HIBADH: variants seen among roughly 807,000 people sequenced by gnomAD.
The protein encoded by HIBADH is 3-hydroxyisobutyrate dehydrogenase.
A neutral mutation model predicts 36.1 loss-of-function variants in HIBADH; 25 were observed. The observed-to-expected ratio is 0.69, with a 90% CI of 0.50 to 0.97. The LOEUF (loss-of-function observed/expected upper bound fraction) is 0.97, where lower values mean the gene tolerates loss of function less well. Ranked by LOEUF, HIBADH falls within the 50% of genes least tolerant of loss-of-function variation. The pLI is 0.00. For missense variants in HIBADH, 421 were observed against 418.0 expected, an observed-to-expected ratio of 1.01 and a Z score of -0.06; for synonymous variants, 160 against 149.5, an observed-to-expected ratio of 1.07 and a Z score of -0.51.
At position 27,599,614 on chromosome 7, in the gene HIBADH, G is replaced by A. The variant is rs1170774087; in HGVS notation, c.484+29757C>T. On this transcript the variant is annotated intron_variant, in intron 4 of 7. Transcript: ENST00000265395. The stretch of plus-strand genomic sequence containing the variant: ...GGAGAATGGCGTGAACCCGGGAGGC[G>A]GAGCTTGCAGTGAGCCCAGATGGCG... 5.5e-5 allele frequency among the ~76,000 whole-genome samples: 8 copies of A among 144,294 alleles called. No individual in the cohort carries two copies. The East Asian group carries it at 6.6e-4, about 12-fold the overall frequency. 94.7% of individuals were successfully genotyped at this position (144,294 alleles called of 152,430 possible).
intron 1 of HIBADH, among the ~76,000 whole-genome samples, chr7:27,652,459 A>G (rs1282485631): frequency 6.6e-6 from 1 of 152,242 alleles, no homozygotes; most frequent in Non-Finnish European, 1.5e-5. Flanking sequence ...GCAGCAGTGT[A>G]CAATGAATGA....
intron 1 of HIBADH, among the ~76,000 whole-genome samples, chr7:27,659,641 G>A (rs1282991770): frequency 4.6e-5 from 7 of 152,154 alleles, no homozygotes; most frequent in African/African-American, 1.4e-4. Flanking sequence ...GGGATTGCTT[G>A]AGCCCACGAG....
intron 1 of HIBADH, among the ~76,000 whole-genome samples, chr7:27,661,925 G>T (rs967647002): frequency 6.6e-6 from 1 of 152,068 alleles, no homozygotes; most frequent in African/African-American, 2.4e-5. Flanking sequence ...TCCCTCGTGC[G>T]GAGTATGAAA....
chr7:27,585,163 A>G (rs1375102002), intron 4 of HIBADH, among the ~76,000 whole-genome samples: 4 of 151,948 alleles, frequency 2.6e-5, no homozygotes, highest in Admixed American at 6.6e-5. Flanking sequence ...TGTTTTTTAT[A>G]TATGTATATA....
chr7:27,555,188 T>C (rs1252280311), intron 4 of HIBADH, among the ~76,000 whole-genome samples: 1 of 152,052 alleles, frequency 6.6e-6, no homozygotes, highest in African/African-American at 2.4e-5. Flanking sequence ...TTTTACAGAA[T>C]TCTGTATATG....
intron 1 of HIBADH, among the ~76,000 whole-genome samples, chr7:27,655,275 C>A (rs1172404278): frequency 6.6e-6 from 1 of 151,990 alleles, no homozygotes; most frequent in Non-Finnish European, 1.5e-5. Context: ...TTAGATGATA[C>A]CATGGAATCA....
chr7:27,593,153 A>T (rs1784971146), intron 4 of HIBADH, among the ~76,000 whole-genome samples: 2 of 152,196 alleles, frequency 1.3e-5, no homozygotes, highest in African/African-American at 4.8e-5. Flanking sequence ...GGTTGAAAGG[A>T]TCCCCAGTCC....
intron 4 of HIBADH, among the ~76,000 whole-genome samples, chr7:27,616,051 A>G (rs528926967): frequency 1.3e-5 from 2 of 152,174 alleles, no homozygotes; most frequent in African/African-American, 2.4e-5. Context: ...GCTACACAAG[A>G]AGCATGGCAC....
rs1191567804 is a variant in HIBADH, at chr7:27,531,303, G to A, written c.741C>T (p.Ser247=). Residue 247 remains serine (S), a synonymous_variant, in exon 7 of 8, where the codon AGC becomes AGT. Transcript: ENST00000265395. The part of the protein sequence containing the change: ...PKLLAKILNM[S]SGRCWSSDTY... ...TGTCACTTGACCAACACCGTCCTGAGCTCATATTTAGGATTTTAGCCAGTA... is the reference window on the plus strand; with the variant it reads ...TGTCACTTGACCAACACCGTCCTGAACTCATATTTAGGATTTTAGCCAGTA... 2 of 1,613,826 alleles carry A rather than the reference G, an allele frequency of 1.2e-6. No individual in the cohort carries two copies.
intron 4 of HIBADH, among the ~76,000 whole-genome samples, chr7:27,592,643 C>CTCTATA (rs199563541): frequency 6.6e-6 from 1 of 152,116 alleles, no homozygotes; most frequent in Non-Finnish European, 1.5e-5. Context: ...GACAACTTTT[C>CTCTATA]TCTATATCTA....
chr7:27,563,420 T>G (rs1403994385), intron 4 of HIBADH, among the ~76,000 whole-genome samples: 1 of 152,066 alleles, frequency 6.6e-6, no homozygotes, highest in Non-Finnish European at 1.5e-5. Flanking sequence ...TACCGAGAGG[T>G]AGGATTGCTG....
chr7:27,661,230 TCTC>T (rs1346070563), intron 1 of HIBADH, among the ~76,000 whole-genome samples: 1 of 152,142 alleles, frequency 6.6e-6, no homozygotes, highest in Non-Finnish European at 1.5e-5. Context: ...CCTCTGTTCT[TCTC>T]CAGCCAGAAA....
chr7:27,586,848 AC>A (rs1384004639), intron 4 of HIBADH, among the ~76,000 whole-genome samples: 1 of 152,030 alleles, frequency 6.6e-6, no homozygotes, highest in Non-Finnish European at 1.5e-5. Context: ...CAGGTACAGT[AC>A]CCTGACAGGC....
At chr7:27,592,022 ATTGTG>A (rs1784947728) in intron 4 of HIBADH, among the ~76,000 whole-genome samples, 1 of 152,186 alleles carries the variant, frequency 6.6e-6, no homozygotes, top group South Asian at 2.1e-4. Flanking sequence ...AAGCAAAAAC[ATTGTG>A]TTATTTCACA....
At position 27,641,224 on chromosome 7, in the gene HIBADH, C is replaced by T. The variant is rs116368542; in HGVS notation, c.252+8249G>A. ...TTTTTGCTTTCAAAAAAAACAAAAG[C>T]ACTTCTTCAAAACAACATCTGATTT... On this transcript the variant is annotated intron_variant, in intron 2 of 7. Transcript: ENST00000265395. 9.0e-3 allele frequency among the ~76,000 whole-genome samples: 1,371 copies of T among 152,168 alleles called. 19 individuals carry two copies. The highest frequency in any genetic ancestry group is 0.031 in the African/African-American group (1,287 of 41,508).
At chr7:27,535,693 CAGAA>C (rs1784061638) in intron 6 of HIBADH, among the ~76,000 whole-genome samples, 1 of 151,650 alleles carries the variant, frequency 6.6e-6, no homozygotes, top group South Asian at 2.1e-4. Context: ...AATTAGAAAG[CAGAA>C]AGGTCTAATA....
chr7:27,549,562 A>G (rs1051960753), intron 4 of HIBADH, among the ~76,000 whole-genome samples: 2 of 152,136 alleles, frequency 1.3e-5, no homozygotes, highest in Non-Finnish European at 2.9e-5. Context: ...CTCAGTTAAC[A>G]TATTTTTTAA....
chr7:27,588,913 C>T (rs963032379), intron 4 of HIBADH, among the ~76,000 whole-genome samples: 1 of 152,154 alleles, frequency 6.6e-6, no homozygotes, highest in Non-Finnish European at 1.5e-5. Flanking sequence ...TTTGTAACCA[C>T]TTTTTAAAAT....
intron 4 of HIBADH, among the ~76,000 whole-genome samples, chr7:27,619,080 T>C (rs1187327865): frequency 6.6e-6 from 1 of 152,188 alleles, no homozygotes; most frequent in Non-Finnish European, 1.5e-5. Context: ...AGCCCACTGC[T>C]GCCACCACTA....
Sources: allele counts gnomAD v4.1 joint callset (sites outside exome capture counted in the v4.1 genomes callset), GRCh38; gene constraint gnomAD v4.1.1; transcripts MANE v1.5; gene names NCBI Gene and HGNC (gene_info 2026-07-23, HGNC 2026-07-21).